The following NCAM1 variants were observed in gnomAD, a reference collection of about 807,000 sequenced individuals.
The protein encoded by NCAM1 is neural cell adhesion molecule 1, also known as antigen recognized by monoclonal antibody 5.1H11.
Under a neutral mutation model 109.8 loss-of-function variants are expected in NCAM1, and 14 were observed. The ratio of observed to expected loss-of-function variants is 0.13; its 90% confidence interval spans 0.08 to 0.20. NCAM1 has a LOEUF of 0.20. Ranked by LOEUF, NCAM1 falls within the 10% of genes least tolerant of loss-of-function variation. NCAM1 has a pLI of 1.00. For synonymous variants in NCAM1, 418 were observed against 442.9 expected, an observed-to-expected ratio of 0.94 and a Z score of 0.70; for missense variants, 774 against 1,109.9, an observed-to-expected ratio of 0.70 and a Z score of 4.30.
intron 1 of NCAM1, among the ~76,000 whole-genome samples, chr11:113,107,209 G>A (rs1555092721): frequency 6.6e-6 from 1 of 152,126 alleles, no homozygotes; most frequent in Admixed American, 6.5e-5. Flanking sequence ...AAATACTGGG[G>A]TTCTTGTTCC....
intron 8 of NCAM1, among the ~76,000 whole-genome samples, chr11:113,219,576 C>T (rs1207706403): frequency 6.6e-6 from 1 of 152,182 alleles, no homozygotes; most frequent in African/African-American, 2.4e-5. Flanking sequence ...ATGTGGGTCA[C>T]ACATTCACCA....
intron 1 of NCAM1, among the ~76,000 whole-genome samples, chr11:113,159,105 A>G (rs1472383107): frequency 6.6e-6 from 1 of 152,206 alleles, no homozygotes; most frequent in Non-Finnish European, 1.5e-5. Flanking sequence ...ATCTTTCTAA[A>G]TTACATACTG....
Position 112,965,761 on chromosome 11 carries a change from C to T in NCAM1, c.52+4097C>T, listed in dbSNP as rs560312323. ...TGGCTGCTCTCCAGACTGAAAGTGGCTTCAATACTACTGGCAGGCTTCCAA... is the reference window on the plus strand; with the variant it reads ...TGGCTGCTCTCCAGACTGAAAGTGGTTTCAATACTACTGGCAGGCTTCCAA... On this transcript the variant is annotated intron_variant, in intron 1 of 19. Transcript: ENST00000316851. Among the ~76,000 whole-genome samples the T allele has an allele frequency of 2.6e-3, 394 of 152,294 alleles. 1 individual carries two copies. The highest frequency in any genetic ancestry group is 9.1e-3 in the African/African-American group (378 of 41,536).
chr11:113,179,923 A>G (rs1943281218), intron 1 of NCAM1, among the ~76,000 whole-genome samples: 1 of 152,184 alleles, frequency 6.6e-6, no homozygotes, highest in African/African-American at 2.4e-5. Flanking sequence ...TTAATATTCT[A>G]GAGTCAAAGA....
At chr11:113,067,923 T>TTA (rs1938047212) in intron 1 of NCAM1, among the ~76,000 whole-genome samples, 1 of 150,292 alleles carries the variant, frequency 6.7e-6, no homozygotes, top group Admixed American at 6.6e-5. Flanking sequence ...TTTTTTTTTT[T>TTA]TTTTTGAGAC....
At chr11:113,191,651 T>C (rs1555109878) in intron 1 of NCAM1, among the ~76,000 whole-genome samples, 2 of 152,092 alleles carry the variant, frequency 1.3e-5, no homozygotes, top group Admixed American at 1.3e-4. Context: ...TATAGGATTG[T>C]TGTGTGGATT....
chr11:113,198,122 ATTGT>A (rs1943912000), intron 1 of NCAM1, among the ~76,000 whole-genome samples: 1 of 152,070 alleles, frequency 6.6e-6, no homozygotes, highest in Admixed American at 6.5e-5. Flanking sequence ...GGAGAGGGAG[ATTGT>A]TTGGTTCTCA....
chr11:113,269,928 C>CA (rs1946228652), intron 17 of NCAM1: 1 of 543,130 alleles, frequency 1.8e-6, no homozygotes, highest in African/African-American at 1.9e-5. Flanking sequence ...TCCCAGGACT[C>CA]ACGGGAGGCC....
At chr11:113,268,979 G>A (rs1260839612) in intron 17 of NCAM1, among the ~76,000 whole-genome samples, 1 of 152,162 alleles carries the variant, frequency 6.6e-6, no homozygotes, top group Non-Finnish European at 1.5e-5. Context: ...GGTGGGGCAG[G>A]GCTGCCAGTT....
At chr11:113,257,828 G>A (rs1401167872) in intron 16 of NCAM1, among the ~76,000 whole-genome samples, 9 of 152,168 alleles carry the variant, frequency 5.9e-5, no homozygotes, top group South Asian at 4.2e-4. Flanking sequence ...GAAAGATACC[G>A]GAATTGCTTT....
chr11:113,116,135 C>G (rs1010467947), intron 1 of NCAM1, among the ~76,000 whole-genome samples: 1 of 152,194 alleles, frequency 6.6e-6, no homozygotes, highest in African/African-American at 2.4e-5. Flanking sequence ...GATATCTGAT[C>G]ACCTCCTTCG....
intron 14 of NCAM1, among the ~76,000 whole-genome samples, chr11:113,241,170 T>C (rs1482515667): frequency 3.9e-5 from 6 of 152,210 alleles, no homozygotes; most frequent in African/African-American, 1.4e-4. Context: ...GCCAAAGGAA[T>C]TGACCAAGAA....
At chr11:113,000,817 C>CATATATATATATATAT (rs375984527) in intron 1 of NCAM1, among the ~76,000 whole-genome samples, 259 of 129,332 alleles carry the variant, frequency 2.0e-3, no homozygotes, top group African/African-American at 5.6e-3. Context: ...ATTATATATA[C>CATATATATATATATAT]ATATATATAT....
chr11:113,260,107 T>C lies in NCAM1; in HGVS notation c.1954-39T>C, dbSNP rs782456780. Reference sequence around the variant, plus strand: ...ACCAGTACTTTTATCTAAAGCTTTTTTGGTCTCTTGTATCCTTCTTGCCGG... The same window carrying C: ...ACCAGTACTTTTATCTAAAGCTTTTCTGGTCTCTTGTATCCTTCTTGCCGG... On this transcript the variant is annotated intron_variant, in intron 16 of 19. Coordinates refer to ENST00000316851, the MANE Select transcript of NCAM1 (RefSeq NM_181351.5). 1.4e-5 allele frequency: 21 copies of C among 1,554,250 alleles called. No individual in the cohort carries two copies. In the Admixed American group the frequency reaches 2.7e-4, roughly 20 times the overall value.
chr11:113,074,942 A>G (rs116415659), intron 1 of NCAM1, among the ~76,000 whole-genome samples: 1,563 of 152,224 alleles, frequency 0.01, 23 homozygotes, highest in African/African-American at 0.036. Context: ...GATTTTATTC[A>G]ATTTTAATTA....
At chr11:113,064,095 T>C (rs969382322) in intron 1 of NCAM1, among the ~76,000 whole-genome samples, 5 of 152,226 alleles carry the variant, frequency 3.3e-5, no homozygotes, top group African/African-American at 9.6e-5. Flanking sequence ...GGAATTGAAA[T>C]TATTTTCTAT....
chr11:113,058,652 A>G (rs1265418640), intron 1 of NCAM1, among the ~76,000 whole-genome samples: 1 of 152,228 alleles, frequency 6.6e-6, no homozygotes, highest in Admixed American at 6.5e-5. Flanking sequence ...TGTTTTGAAC[A>G]GATGGTGCAG....
chr11:113,018,804 A>T (rs2135212009), intron 1 of NCAM1, among the ~76,000 whole-genome samples: 1 of 152,256 alleles, frequency 6.6e-6, no homozygotes, highest in South Asian at 2.1e-4. Flanking sequence ...GATTTAATAG[A>T]GTCATTATAA....
In NCAM1 at chr11:113,271,749, T is replaced by C. The variant is rs1555125392; in HGVS notation, c.2340-11T>C. The C allele has an allele frequency of 6.5e-7, 1 of 1,549,998 alleles. No individual in the cohort carries two copies. The highest frequency in any genetic ancestry group is 8.7e-7 in the Non-Finnish European group (1 of 1,145,504). On this transcript the variant is annotated splice_polypyrimidine_tract_variant and intron_variant, in intron 18 of 19. Coordinates refer to ENST00000316851, the MANE Select transcript of NCAM1 (RefSeq NM_181351.5). ...TGCCCTAGGGTCTAACCAGCAGTAC[T>C]GTCTCCACAGGAAAGATGAGTCCAA... is the stretch of plus-strand genomic sequence containing the variant.
Sources: gnomAD v4.1 joint callset for allele counts (sites outside exome capture counted in the v4.1 genomes callset) on GRCh38, gnomAD v4.1.1 for gene constraint, MANE v1.5 for transcripts, NCBI Gene and HGNC (gene_info 2026-07-23, HGNC 2026-07-21) for gene names.